ROBO2: variants seen among roughly 807,000 people sequenced by gnomAD.
ROBO2 encodes roundabout guidance receptor 2.
Under a neutral mutation model 160.8 loss-of-function variants are expected in ROBO2, and 53 were observed. The ratio of observed to expected loss-of-function variants is 0.33; its 90% CI spans 0.26 to 0.41. ROBO2 has a LOEUF of 0.41. ROBO2 is among the 10% of genes least tolerant of loss of function. ROBO2 has a pLI of 1.00. For synonymous variants in ROBO2, 664 were observed against 611.7 expected (o/e 1.09, Z -1.26); for missense variants, 1,577 against 1,722.4 (o/e 0.92, Z 1.49).
intron 2 of ROBO2, among the ~76,000 whole-genome samples, chr3:76,724,870 G>T (rs1560448830): frequency 6.6e-6 from 1 of 152,164 alleles, no homozygotes; most frequent in Non-Finnish European, 1.5e-5. Flanking sequence ...GAGAGAGGCA[G>T]GGGAGGATTC....
chr3:77,032,532 C>T (rs2149561624), intron 2 of ROBO2, among the ~76,000 whole-genome samples: 1 of 152,062 alleles, frequency 6.6e-6, no homozygotes, highest in East Asian at 1.9e-4. Context: ...AAGTATATTG[C>T]AACATAAAGT....
At chr3:76,369,324 G>T (rs1488340693) in intron 2 of ROBO2, among the ~76,000 whole-genome samples, 1 of 151,870 alleles carries the variant, frequency 6.6e-6, no homozygotes, top group Non-Finnish European at 1.5e-5. Context: ...CGGTTTCCAC[G>T]CTCTCTTCTC....
intron 2 of ROBO2, among the ~76,000 whole-genome samples, chr3:76,879,586 C>G (rs1280529223): frequency 6.6e-6 from 1 of 151,950 alleles, no homozygotes; most frequent in Non-Finnish European, 1.5e-5. Context: ...AGGCCTCTGT[C>G]GTTATTTCAA....
intron 6 of ROBO2, 66 bp from the exon 7 acceptor site, chr3:77,527,337 A>C (rs1415590181): frequency 8.4e-7 from 1 of 1,191,240 alleles, no homozygotes; most frequent in Admixed American, 2.4e-5. Context: ...ATGCATTCTG[A>C]TAATTTTTCT....
At chr3:77,492,370 A>G (rs1285895328) in intron 4 of ROBO2, among the ~76,000 whole-genome samples, 2 of 152,290 alleles carry the variant, frequency 1.3e-5, no homozygotes, top group East Asian at 3.9e-4. Flanking sequence ...TTGTATCCTC[A>G]GAGGCTAAGA....
At chr3:76,613,904 A>C (rs2088349867) in intron 2 of ROBO2, among the ~76,000 whole-genome samples, 1 of 152,136 alleles carries the variant, frequency 6.6e-6, no homozygotes, top group African/African-American at 2.4e-5. Context: ...TTGAAAAATG[A>C]TAGGATAATA....
At chr3:75,916,248 C>T (rs1028229102) in intron 1 of ROBO2, among the ~76,000 whole-genome samples, 3 of 152,192 alleles carry the variant, frequency 2.0e-5, no homozygotes, top group Non-Finnish European at 4.4e-5. Flanking sequence ...TGGTAGAGAA[C>T]AAACTAATAG....
intron 2 of ROBO2, among the ~76,000 whole-genome samples, chr3:77,291,328 A>T (rs1012065944): frequency 6.6e-6 from 1 of 152,024 alleles, no homozygotes; most frequent in Non-Finnish European, 1.5e-5. Flanking sequence ...CTGAGGCTAG[A>T]TCACCCCAGA....
intron 2 of ROBO2, among the ~76,000 whole-genome samples, chr3:76,319,982 G>A (rs928106042): frequency 3.3e-5 from 5 of 151,962 alleles, no homozygotes; most frequent in African/African-American, 1.2e-4. Context: ...AAACGGAGGG[G>A]AAGTTGTTGT....
intron 2 of ROBO2, among the ~76,000 whole-genome samples, chr3:76,564,678 C>T (rs555225448): frequency 4.9e-4 from 75 of 152,268 alleles, no homozygotes; most frequent in Middle Eastern, 3.4e-3. Flanking sequence ...TGGCCTGAAA[C>T]GACTAATTCA....
intron 2 of ROBO2, among the ~76,000 whole-genome samples, chr3:76,181,866 A>C (rs1313439411): frequency 6.6e-6 from 1 of 152,154 alleles, no homozygotes; most frequent in East Asian, 1.9e-4. Context: ...AAATCTCTGC[A>C]TGCCACATTT....
Position 77,506,693 on chromosome 3 carries a change from C to T in ROBO2, c.806+13311C>T, listed in dbSNP as rs568349239. Reference sequence around the variant, plus strand: ...GAATAAATAATCTGACCCAAAATGGCGATAGTGTTGAGGTTAAGAAATGCT... The same window carrying T: ...GAATAAATAATCTGACCCAAAATGGTGATAGTGTTGAGGTTAAGAAATGCT... On this transcript the variant is annotated intron_variant, in intron 5 of 25. Transcript: ENST00000461745. Among the ~76,000 whole-genome samples the T allele has an allele frequency of 2.8e-4, 43 of 151,962 alleles. 1 individual carries two copies. The South Asian group carries it at 4.0e-3, about 14-fold the overall frequency.
At chr3:75,990,319 G>A (rs1177396398) in intron 2 of ROBO2, among the ~76,000 whole-genome samples, 1 of 152,130 alleles carries the variant, frequency 6.6e-6, no homozygotes, top group Non-Finnish European at 1.5e-5. Flanking sequence ...GACTTCATAG[G>A]GGAAAGAATT....
chr3:77,032,864 G>A (rs146560855), intron 2 of ROBO2, among the ~76,000 whole-genome samples: 1 of 152,280 alleles, frequency 6.6e-6, no homozygotes, highest in East Asian at 1.9e-4. Flanking sequence ...GAAGTGCCTG[G>A]ATTCCATTGG....
At chr3:77,256,532 CA>C (rs76656757) in intron 2 of ROBO2, among the ~76,000 whole-genome samples, 26,850 of 151,032 alleles carry the variant, frequency 0.18, 3,084 homozygotes, top group East Asian at 0.64. Context: ...AAACTATAAA[CA>C]AAAAAAAATC....
intron 2 of ROBO2, among the ~76,000 whole-genome samples, chr3:77,398,830 C>T (rs1328780178): frequency 1.3e-5 from 2 of 152,114 alleles, no homozygotes; most frequent in African/African-American, 4.8e-5. Context: ...AAATATCCAC[C>T]TGCCTCAGCC....
At chr3:76,491,015 A>G (rs2079791047) in intron 2 of ROBO2, among the ~76,000 whole-genome samples, 1 of 151,614 alleles carries the variant, frequency 6.6e-6, no homozygotes, top group African/African-American at 2.4e-5. Flanking sequence ...GCTGGAGTGC[A>G]GTGGTGCGAT....
rs1420014003 is a variant in ROBO2 at position 75,968,812 on chromosome 3, T to C, written c.109+31210T>C. On this transcript the variant is annotated intron_variant, in intron 2 of 26. Transcript: ENST00000487694. ...TGGCTTGTTTTAGATAGTACATAGA[T>C]AGCACATAGAATAGCCACCATTCTA... Among the ~76,000 whole-genome samples the C allele has an allele frequency of 1.5e-5, 2 of 136,264 alleles. 1 individual carries two copies. The highest frequency in any genetic ancestry group is 4.5e-4 in the East Asian group (2 of 4,456). The allele number at this position is 136,264 out of a possible 152,430, so 89.4% of individuals were successfully genotyped here. A position where few individuals can be genotyped will look rare whatever the true frequency, so the allele number is the denominator to read the frequency against.
intron 2 of ROBO2, among the ~76,000 whole-genome samples, chr3:76,073,144 C>T (rs1385130684): frequency 6.6e-6 from 1 of 151,996 alleles, no homozygotes; most frequent in African/African-American, 2.4e-5. Flanking sequence ...GGGGAGGCTG[C>T]TCTCCATAAT....
Sources: gnomAD v4.1 joint callset for allele counts (sites outside exome capture counted in the v4.1 genomes callset) on GRCh38, gnomAD v4.1.1 for gene constraint, MANE v1.5 for transcripts, NCBI Gene and HGNC (gene_info 2026-07-23, HGNC 2026-07-21) for gene names.